The following PPFIBP1 variants were observed in gnomAD, a reference collection of about 807,000 sequenced individuals.
The protein encoded by PPFIBP1 is PPFIB scaffold protein 1, also known as liprin-beta-1.
In PPFIBP1, 112 loss-of-function variants were observed where a neutral mutation model predicts 137.8. The ratio of observed to expected loss-of-function variants is 0.81; its 90% confidence interval spans 0.70 to 0.95. The LOEUF (loss-of-function observed/expected upper bound fraction) is 0.95, where lower values mean the gene tolerates loss of function less well. Ranked by LOEUF, PPFIBP1 falls within the 40% of genes least tolerant of loss-of-function variation. The pLI is 0.00. For missense variants in PPFIBP1, 1,083 were observed against 1,196.6 expected (o/e 0.91, Z 1.40); for synonymous variants, 378 against 417.3 (o/e 0.91, Z 1.15).
chr12:27,648,472 A>G (rs6487624), intron 6 of PPFIBP1, among the ~76,000 whole-genome samples: 62,802 of 151,864 alleles, frequency 0.41, 13,301 homozygotes, highest in Non-Finnish European at 0.46. Context: ...TAGAGCTACC[A>G]TATGATCCAG....
intron 4 of PPFIBP1, 46 bp from the exon 5 acceptor site, chr12:27,646,016 C>A: frequency 7.4e-7 from 1 of 1,355,434 alleles, no homozygotes; most frequent in South Asian, 1.2e-5. Flanking sequence ...TACGATATAT[C>A]ATTCTTAGAG....
intron 4 of PPFIBP1, among the ~76,000 whole-genome samples, chr12:27,639,199 G>T (rs2057922350): frequency 6.6e-6 from 1 of 152,154 alleles, no homozygotes; most frequent in Non-Finnish European, 1.5e-5. Context: ...TTAAAATTCA[G>T]AAGTGCGTCT....
At chr12:27,546,824 G>A (rs1946281660) in intron 1 of PPFIBP1, among the ~76,000 whole-genome samples, 2 of 152,050 alleles carry the variant, frequency 1.3e-5, no homozygotes. Flanking sequence ...GACCAGCCTG[G>A]GCAACATGGT....
At chr12:27,544,008 T>C (rs1945957673) in intron 1 of PPFIBP1, among the ~76,000 whole-genome samples, 1 of 151,750 alleles carries the variant, frequency 6.6e-6, no homozygotes, top group Admixed American at 6.6e-5. Flanking sequence ...GCCTCTCAAG[T>C]AGCTGGGATT....
intron 14 of PPFIBP1, among the ~76,000 whole-genome samples, chr12:27,671,943 A>G (rs1052027164): frequency 1.3e-5 from 2 of 152,110 alleles, no homozygotes; most frequent in African/African-American, 4.8e-5. Flanking sequence ...ATGGTGGCAC[A>G]CGCCTGTAAT....
chr12:27,562,033 G>A (rs1052887279), intron 1 of PPFIBP1, among the ~76,000 whole-genome samples: 2 of 152,120 alleles, frequency 1.3e-5, no homozygotes, highest in Non-Finnish European at 2.9e-5. Context: ...GGGCAACAGA[G>A]TGGTACCCTG....
chr12:27,642,036 A>G (rs1007804946), intron 4 of PPFIBP1, among the ~76,000 whole-genome samples: 1 of 152,224 alleles, frequency 6.6e-6, no homozygotes, highest in African/African-American at 2.4e-5. Flanking sequence ...TTCTAATGTT[A>G]TGTGTAGCAC....
At chr12:27,530,935 A>T (rs542129022) in intron 1 of PPFIBP1, among the ~76,000 whole-genome samples, 5 of 152,334 alleles carry the variant, frequency 3.3e-5, no homozygotes, top group African/African-American at 1.2e-4. Context: ...AGCTGATAGC[A>T]TTCTGCAACT....
intron 2 of PPFIBP1, among the ~76,000 whole-genome samples, chr12:27,632,411 T>A (rs2057328078): frequency 6.6e-6 from 1 of 152,196 alleles, no homozygotes; most frequent in Admixed American, 6.5e-5. Flanking sequence ...GAGAATCTAC[T>A]GGGTGCTTAG....
Position 27,646,140 on chromosome 12 carries a change from G to C in PPFIBP1, c.349G>C (p.Val117Leu), listed in dbSNP as rs139120224. ...TTTAGAAAATGATAAAGAATCCCTC[G>C]TTCTTCAGGCAAGTGATTTTTAAAT... ...ARLENDKESL[V>L]LQVSVLTDQV... is the part of the protein sequence containing the mutation. The change falls in exon 5 of 30, where the codon GTT becomes CTT. Residue 117 changes from valine (V) to leucine (L), a missense_variant. By Grantham distance (32) the Val-to-Leu change is conservative. Coordinates refer to ENST00000228425, the MANE Select transcript of PPFIBP1 (RefSeq NM_003622.4). The C allele has an allele frequency of 6.2e-6, 10 of 1,604,322 alleles. No homozygotes were observed. Among genetic ancestry groups the C allele is most frequent in the African/African-American group, 4.0e-5 (3 of 74,668 alleles).
At chr12:27,657,567 C>T (rs542831094) in intron 9 of PPFIBP1, among the ~76,000 whole-genome samples, 1 of 151,688 alleles carries the variant, frequency 6.6e-6, no homozygotes, top group Non-Finnish European at 1.5e-5. Context: ...CATTGTCTGT[C>T]CAATGAGGGA....
intron 2 of PPFIBP1, among the ~76,000 whole-genome samples, chr12:27,632,363 ATC>A (rs1485280924): frequency 6.6e-6 from 1 of 152,220 alleles, no homozygotes; most frequent in African/African-American, 2.4e-5. Context: ...CTATCACAGT[ATC>A]TATAACATAG....
In PPFIBP1 at chr12:27,574,942, C is replaced by T. The variant is rs562664117; in HGVS notation, c.-123-3210C>T. On this transcript the variant is annotated intron_variant, in intron 1 of 29. Transcript: ENST00000228425. ...AAATATTCCCTGGTATATAAGTTCC[C>T]AACGAATATCACAATTAGTGTATCA... Among the ~76,000 whole-genome samples the T allele has an allele frequency of 2.0e-5, 3 of 152,146 alleles. No homozygotes were observed. The East Asian group carries it at 5.8e-4, about 29-fold the overall frequency.
chr12:27,526,809 TG>T (rs1231350297), intron 1 of PPFIBP1, among the ~76,000 whole-genome samples: 1 of 152,156 alleles, frequency 6.6e-6, no homozygotes, highest in Non-Finnish European at 1.5e-5. Context: ...CACTCCAGCC[TG>T]GGCGACTAGA....
chr12:27,546,454 A>G (rs1946250855), intron 1 of PPFIBP1, among the ~76,000 whole-genome samples: 1 of 152,194 alleles, frequency 6.6e-6, no homozygotes, highest in Admixed American at 6.5e-5. Context: ...AACCTCTGGT[A>G]AAAGCACCTG....
chr12:27,616,902 T>C (rs1389398894), intron 2 of PPFIBP1, among the ~76,000 whole-genome samples: 6 of 152,146 alleles, frequency 3.9e-5, no homozygotes, highest in Admixed American at 3.3e-4. Context: ...ACAGCCATTA[T>C]GAGAAATGTG....
chr12:27,525,874 T>C (rs1215169595), intron 1 of PPFIBP1, among the ~76,000 whole-genome samples: 1 of 152,100 alleles, frequency 6.6e-6, no homozygotes, highest in Non-Finnish European at 1.5e-5. Context: ...GTCTGTATTG[T>C]TGTTAGTTCC....
chr12:27,686,612 T>C lies in PPFIBP1; in HGVS notation c.2248-773T>C, dbSNP rs59337923. 5.3e-5 allele frequency among the ~76,000 whole-genome samples: 8 copies of C among 152,312 alleles called. No individual in the cohort carries two copies. In the East Asian group the frequency reaches 1.5e-3, roughly 29 times the overall value. ...GTCTGCTAGATAAACCATAATAATC[T>C]AGAGCTATTCAATAGCAGACAGGTC... is the stretch of plus-strand genomic sequence containing the variant. On this transcript the variant is annotated intron_variant, in intron 24 of 29. Coordinates refer to ENST00000228425, the MANE Select transcript of PPFIBP1 (RefSeq NM_003622.4).
chr12:27,691,941 CTGTATAACTTTT>C lies in PPFIBP1; in HGVS notation c.2865+16_2865+27del. 1 of 1,575,710 alleles carries C rather than the reference CTGTATAACTTTT, an allele frequency of 6.3e-7. No homozygotes were observed. The highest frequency in any genetic ancestry group is 8.6e-7 in the Non-Finnish European group (1 of 1,160,894). ...CCGGTTAGAGCAGGTAAATCCAACACTGTATAACTTTTTGCGAGTTCTTCCATCATTCAGACA... is the reference window on the plus strand; with the variant it reads ...CCGGTTAGAGCAGGTAAATCCAACACTGCGAGTTCTTCCATCATTCAGACA... On this transcript the variant is annotated intron_variant, in intron 28 of 29. Coordinates refer to ENST00000228425, the MANE Select transcript of PPFIBP1 (RefSeq NM_003622.4).
Sources: allele counts gnomAD v4.1 joint callset (sites outside exome capture counted in the v4.1 genomes callset), GRCh38; gene constraint gnomAD v4.1.1; transcripts MANE v1.5; gene names NCBI Gene and HGNC (gene_info 2026-07-23, HGNC 2026-07-21).